Variants in SNRPA observed in about 807,000 individuals in gnomAD.
SNRPA encodes the protein U1 small nuclear ribonucleoprotein A.
SNRPA carries 10 observed loss-of-function variants against 24.5 expected under a neutral mutation model. That is an observed-to-expected ratio of 0.41 (90% CI 0.25 to 0.69). The LOEUF (loss-of-function observed/expected upper bound fraction) is 0.69. Ranked by LOEUF, SNRPA falls within the 30% of genes least tolerant of loss-of-function variation. SNRPA has a pLI of 0.33. For missense variants in SNRPA, 283 were observed against 394.7 expected (o/e 0.72, Z 2.40); for synonymous variants, 165 against 148.4 (o/e 1.11, Z -0.81).
rs557419180 is a variant in SNRPA at position 40,759,540 on chromosome 19, C to T, written c.356C>T (p.Pro119Leu). Reference sequence around the variant, plus strand: ...AGGAAGCCCAAGAGCCAGGAGACCCCGGCCACCAAGAAGGCTGTGCAAGGC... The same window carrying T: ...AGGAAGCCCAAGAGCCAGGAGACCCTGGCCACCAAGAAGGCTGTGCAAGGC... The part of the protein sequence containing the change: ...EKRKPKSQET[P>L]ATKKAVQGGG... The change falls in exon 3 of 6, where the codon CCG becomes CTG. Residue 119 changes from proline to leucine, a missense_variant. By Grantham distance (98) the Pro-to-Leu change is moderately conservative (BLOSUM62 -3). Around this residue, in one of 6 missense-constraint regions of SNRPA, gnomAD observed 167 missense variants for 174.3 expected, o/e 0.96. Transcript: ENST00000243563. 9.9e-6 allele frequency: 16 copies of T among 1,613,908 alleles called. No homozygotes were observed. Among genetic ancestry groups the T allele is most frequent in the African/African-American group, 9.3e-5 (7 of 74,888 alleles).
chr19:40,764,161 A>C (rs2082944882), intron 5 of SNRPA, among the ~76,000 whole-genome samples: 2 of 152,078 alleles, frequency 1.3e-5, no homozygotes, highest in South Asian at 4.1e-4. Context: ...TGTTGAGTGA[A>C]GTCGTGGGTG....
chr19:40,753,028 A>C (rs1299005085), intron 1 of SNRPA, among the ~76,000 whole-genome samples: 1 of 152,204 alleles, frequency 6.6e-6, no homozygotes, highest in Non-Finnish European at 1.5e-5. Flanking sequence ...GTTGGGATTC[A>C]GTTTGAGGTT....
Position 40,751,259 on chromosome 19 carries a change from G to T in SNRPA, c.-150G>T, listed in dbSNP as rs1056624279. 2.0e-5 allele frequency: 14 copies of T among 689,952 alleles called. No homozygotes were observed. The highest frequency in any genetic ancestry group is 3.5e-5 in the African/African-American group (2 of 56,532). 42.7% of individuals were successfully genotyped at this position (689,952 alleles called of 1,614,324 possible). ...TACGCACGCTTTGTTGTCGCGCTTT[G>T]CCTCCGTCCTTGCCCCTACTCCCGC... On this transcript the variant is annotated 5_prime_UTR_variant, in exon 1 of 6. Coordinates refer to ENST00000243563, the MANE Select transcript of SNRPA (RefSeq NM_004596.5).
At chr19:40,752,838 T>A (rs1327685207) in intron 1 of SNRPA, among the ~76,000 whole-genome samples, 2 of 152,208 alleles carry the variant, frequency 1.3e-5, no homozygotes, top group Non-Finnish European at 2.9e-5. Context: ...TTGAACCTCA[T>A]TTTCCAGATC....
In SNRPA at chr19:40,752,214, A is replaced by T. The variant is rs535980519; in HGVS notation, c.73+733A>T. Reference sequence around the variant, plus strand: ...TAGCCGGGCATGGTGGCGCATGCCTATAATCCCAGCTACTCGGGAGGCTGA... The same window carrying T: ...TAGCCGGGCATGGTGGCGCATGCCTTTAATCCCAGCTACTCGGGAGGCTGA... On this transcript the variant is annotated intron_variant, in intron 1 of 5. Coordinates refer to ENST00000243563, the MANE Select transcript of SNRPA (RefSeq NM_004596.5). Among the ~76,000 whole-genome samples, 7 of 152,026 alleles carry T rather than the reference A, an allele frequency of 4.6e-5. No homozygotes were observed. The South Asian group carries it at 1.5e-3, about 32-fold the overall frequency.
At chr19:40,752,605 G>A (rs1035732031) in intron 1 of SNRPA, among the ~76,000 whole-genome samples, 6 of 137,130 alleles carry the variant, frequency 4.4e-5, no homozygotes, top group African/African-American at 1.6e-4. Flanking sequence ...AAAAAAAAAG[G>A]CTGGGCGTGG....
intron 3 of SNRPA, among the ~76,000 whole-genome samples, chr19:40,762,524 C>G (rs2082937132): frequency 1.3e-5 from 2 of 151,894 alleles, no homozygotes; most frequent in South Asian, 4.2e-4. Context: ...GCCTACCACA[C>G]ATTTCTTTCT....
chr19:40,759,333 A>T (rs2145012177), intron 2 of SNRPA, 98 bp from the exon 3 acceptor site: 1 of 1,187,092 alleles, frequency 8.4e-7, no homozygotes, highest in South Asian at 1.6e-5. Flanking sequence ...TACAGGCATG[A>T]GCCGCAGCAC....
intron 3 of SNRPA, 179 bp downstream of exon 3, chr19:40,759,789 C>G (rs970202624): frequency 1.9e-6 from 1 of 537,774 alleles, no homozygotes; most frequent in African/African-American, 2.0e-5. Flanking sequence ...CTAGATGATG[C>G]TATCTCCTTT....
intron 1 of SNRPA, among the ~76,000 whole-genome samples, chr19:40,752,173 A>C (rs1484332649): frequency 1.3e-5 from 2 of 151,936 alleles, no homozygotes; most frequent in African/African-American, 2.4e-5. Context: ...CCCTTTCTCT[A>C]CTGAAAATAC....
chr19:40,757,291 TA>T lies in SNRPA; in HGVS notation c.74-36del. On this transcript the variant is annotated intron_variant, in intron 1 of 5. Coordinates refer to ENST00000243563, the MANE Select transcript of SNRPA (RefSeq NM_004596.5). ...TCTTCTATTTGGGCTGCGCTTCTTC[TA>T]AAAAGGGGAGCTCAAAGGTCTTTTT... 2 of 1,606,230 alleles carry T rather than the reference TA, an allele frequency of 1.2e-6. 1 individual carries two copies. Among genetic ancestry groups the T allele is most frequent in the Middle Eastern group, 3.3e-4 (2 of 6,038 alleles).
intron 1 of SNRPA, among the ~76,000 whole-genome samples, chr19:40,752,104 G>A (rs1263350556): frequency 6.6e-6 from 1 of 151,614 alleles, no homozygotes; most frequent in African/African-American, 2.4e-5. Flanking sequence ...TTGGGAGGCC[G>A]AGGCGGGCGG....
rs1234220470 is a variant in SNRPA at position 40,759,556 on chromosome 19, T to G, written c.372T>G (p.Ala124=). ...AGGAGACCCCGGCCACCAAGAAGGCTGTGCAAGGCGGGGGAGCCACCCCCG... is the reference window on the plus strand; with the variant it reads ...AGGAGACCCCGGCCACCAAGAAGGCGGTGCAAGGCGGGGGAGCCACCCCCG... ...KSQETPATKK[A]VQGGGATPVV... The change falls in exon 3 of 6, where the codon GCT becomes GCG. Residue 124 remains alanine, a synonymous_variant. Transcript: ENST00000243563. 6.2e-7 allele frequency: 1 copy of G among 1,610,648 alleles called. No individual in the cohort carries two copies.
At position 40,762,985 on chromosome 19, in the gene SNRPA, C is replaced by T. The variant is rs1395435722; in HGVS notation, c.511C>T (p.Pro171Ser). The T allele has an allele frequency of 6.2e-7, 1 of 1,611,908 alleles. No individual in the cohort carries two copies. Among genetic ancestry groups the T allele is most frequent in the Non-Finnish European group, 8.5e-7 (1 of 1,178,542 alleles). Reference sequence around the variant, plus strand: ...CTACATGCCGCCCCCTGGTATGATCCCCCCGCCAGGCCTTGCACCTGGCCA... The same window carrying T: ...CTACATGCCGCCCCCTGGTATGATCTCCCCGCCAGGCCTTGCACCTGGCCA... ...PPYMPPPGMI[P>S]PPGLAPGQIP... The change falls in exon 4 of 6, where the codon CCC (proline) becomes TCC (serine). Residue 171 changes from proline to serine, a missense_variant. Coordinates refer to ENST00000243563, the MANE Select transcript of SNRPA (RefSeq NM_004596.5).
chr19:40,755,257 C>CTTTTTTTT (rs1004235207), intron 1 of SNRPA, among the ~76,000 whole-genome samples: 9 of 82,604 alleles, frequency 1.1e-4, no homozygotes, highest in East Asian at 3.0e-4. Context: ...TTTTTCTTTT[C>CTTTTTTTT]TTTTTTTTTT....
chr19:40,752,299 T>C (rs2082879995), intron 1 of SNRPA, among the ~76,000 whole-genome samples: 3 of 150,842 alleles, frequency 2.0e-5, no homozygotes, highest in Admixed American at 2.0e-4. Context: ...ATTGCGCCAT[T>C]GAACTACAGC....
chr19:40,760,304 C>T (rs2082926149), intron 3 of SNRPA, among the ~76,000 whole-genome samples: 1 of 152,112 alleles, frequency 6.6e-6, no homozygotes, highest in South Asian at 2.1e-4. Flanking sequence ...CATGGCTGGC[C>T]CCCAGTTTTA....
Position 40,765,318 on chromosome 19 carries a change from T to C in SNRPA, c.*151T>C. The C allele has an allele frequency of 4.5e-6, 2 of 441,358 alleles. No homozygotes were observed. Among genetic ancestry groups the C allele is most frequent in the Non-Finnish European group, 7.9e-6 (2 of 252,806 alleles). 27.3% of individuals were successfully genotyped at this position (441,358 alleles called of 1,614,324 possible). On this transcript the variant is annotated 3_prime_UTR_variant, in exon 6 of 6. Transcript: ENST00000243563. The stretch of plus-strand genomic sequence containing the variant: ...GCCACACAGCATTGTACCCAGAGTC[T>C]GTCCCCAGACATTGCACCTGGCGCT...
At position 40,759,549 on chromosome 19, in the gene SNRPA, A is replaced by G; in HGVS notation, c.365A>G (p.Lys122Arg). Residue 122 changes from lysine (K) to arginine (R), a missense_variant, in exon 3 of 6, where the codon AAG becomes AGG. Around this residue, in one of 6 missense-constraint regions of SNRPA, gnomAD observed 167 missense variants for 174.3 expected, o/e 0.96. Coordinates refer to ENST00000243563, the MANE Select transcript of SNRPA (RefSeq NM_004596.5). ...KPKSQETPAT[K>R]KAVQGGGATP... ...AAGAGCCAGGAGACCCCGGCCACCA[A>G]GAAGGCTGTGCAAGGCGGGGGAGCC... The G allele has an allele frequency of 1.2e-6, 2 of 1,614,014 alleles. No homozygotes were observed. The highest frequency in any genetic ancestry group is 1.1e-5 in the South Asian group (1 of 91,068).
Sources: gnomAD v4.1 joint callset for allele counts (sites outside exome capture counted in the v4.1 genomes callset) on GRCh38, gnomAD v4.1.1 for gene constraint, gnomAD v4.1.1 regional missense constraint, MANE v1.5 for transcripts, NCBI Gene and HGNC (gene_info 2026-07-23, HGNC 2026-07-21) for gene names.